RTKN2: variants seen among roughly 807,000 people sequenced by gnomAD.
RTKN2 encodes the protein rhotekin 2, also known as rhotekin-2.
RTKN2 carries 69 observed loss-of-function variants against 71.5 expected under a neutral mutation model. That is an observed-to-expected ratio of 0.96 (90% CI 0.79 to 1.18). RTKN2 has a LOEUF of 1.18. Ranked by LOEUF, RTKN2 falls within the 50% of genes most tolerant of loss-of-function variation. The pLI is 0.00. For missense variants in RTKN2, 724 were observed against 719.7 expected (o/e 1.01, Z -0.07); for synonymous variants, 236 against 236.5 (o/e 1.00, Z 0.02).
intron 9 of RTKN2, among the ~76,000 whole-genome samples, chr10:62,206,520 G>A (rs142366558): frequency 7.2e-5 from 11 of 152,090 alleles, no homozygotes; most frequent in African/African-American, 1.2e-4. Context: ...TTCAAACACC[G>A]CAGGGGAAAA....
At chr10:62,184,480 T>A in intron 8 of RTKN2, 1 of 619,676 alleles carries the variant, frequency 1.6e-6, no homozygotes, top group Non-Finnish European at 2.7e-6. Context: ...AGGCAGTCAG[T>A]GGAAAAGATT....
At chr10:62,199,251 A>G (rs976389315) in intron 11 of RTKN2, among the ~76,000 whole-genome samples, 1 of 152,212 alleles carries the variant, frequency 6.6e-6, no homozygotes, top group Non-Finnish European at 1.5e-5. Context: ...ACACCCTTCA[A>G]GGTGTGGGAA....
intron 9 of RTKN2, among the ~76,000 whole-genome samples, chr10:62,206,173 A>C (rs1841544977): frequency 6.6e-6 from 1 of 152,170 alleles, no homozygotes; most frequent in South Asian, 2.1e-4. Context: ...TAAGTGTCTA[A>C]CAGTCACTCC....
intron 6 of RTKN2, among the ~76,000 whole-genome samples, chr10:62,235,686 G>GTGTGTGTGTGTA (rs35595937): frequency 1.2e-4 from 18 of 151,076 alleles, no homozygotes; most frequent in African/African-American, 4.1e-4. Flanking sequence ...GTGTGTGTGT[G>GTGTGTGTGTGTA]TGTATACATG....
chr10:62,200,264 G>T (rs765080187), intron 10 of RTKN2, among the ~76,000 whole-genome samples: 3 of 147,598 alleles, frequency 2.0e-5, no homozygotes, highest in Admixed American at 1.4e-4. Flanking sequence ...TTGGGAGGCT[G>T]AGGCAGGAGG....
intron 7 of RTKN2, among the ~76,000 whole-genome samples, chr10:62,222,427 A>T (rs2132916837): frequency 6.6e-6 from 1 of 152,132 alleles, no homozygotes; most frequent in African/African-American, 2.4e-5. Flanking sequence ...ATTATTTTTT[A>T]AACTACATAT....
chr10:62,262,018 T>C (rs1315082200), intron 2 of RTKN2, among the ~76,000 whole-genome samples: 5 of 152,210 alleles, frequency 3.3e-5, no homozygotes, highest in Non-Finnish European at 7.3e-5. Context: ...ATACAAATCA[T>C]AGATCTAATC....
At chr10:62,212,057 A>T in intron 9 of RTKN2, among the ~76,000 whole-genome samples, 1 of 152,140 alleles carries the variant, frequency 6.6e-6, no homozygotes, top group South Asian at 2.1e-4. Flanking sequence ...TTAAGAATAC[A>T]TTGTTCGAGA....
At chr10:62,261,779 T>C (rs566041804) in intron 2 of RTKN2, among the ~76,000 whole-genome samples, 34 of 152,328 alleles carry the variant, frequency 2.2e-4, no homozygotes, top group Admixed American at 2.1e-3. Flanking sequence ...TCTCAGACTC[T>C]GACTGGTGTT....
intron 7 of RTKN2, 146 bp from the exon 8 acceptor site, chr10:62,218,447 T>A: frequency 1.8e-6 from 1 of 565,034 alleles, no homozygotes; most frequent in Non-Finnish European, 3.1e-6. Flanking sequence ...TAAAGATTCA[T>A]CCTACCCAAA....
At chr10:62,262,921 A>G (rs776739018) in intron 1 of RTKN2, 100 bp from the exon 2 acceptor site, 2 of 649,318 alleles carry the variant, frequency 3.1e-6, no homozygotes, top group Non-Finnish European at 5.1e-6. Context: ...TACCATATTG[A>G]GAAAGCAACA....
At chr10:62,241,550 T>C (rs1842374457) in intron 3 of RTKN2, among the ~76,000 whole-genome samples, 1 of 152,200 alleles carries the variant, frequency 6.6e-6, no homozygotes, top group Non-Finnish European at 1.5e-5. Context: ...TATTAATTAC[T>C]GTCTAGCTAA....
chr10:62,204,533 C>A (rs896220986), intron 10 of RTKN2, among the ~76,000 whole-genome samples: 3 of 152,280 alleles, frequency 2.0e-5, no homozygotes, highest in South Asian at 4.1e-4. Context: ...CAAATGGCTT[C>A]TTATCCCTTG....
intron 5 of RTKN2, 72 bp downstream of exon 5, chr10:62,239,573 CAAT>C (rs1208230348): frequency 1.3e-5 from 8 of 622,634 alleles, no homozygotes; most frequent in African/African-American, 3.8e-5. Flanking sequence ...TCCAAAGAAC[CAAT>C]AATAAGAACT....
chr10:62,211,723 C>A (rs1841662534), intron 9 of RTKN2, among the ~76,000 whole-genome samples: 2 of 152,238 alleles, frequency 1.3e-5, no homozygotes, highest in South Asian at 4.1e-4. Flanking sequence ...TGCAGTGGCA[C>A]AATCTCGGCT....
downstream of RTKN2, among the ~76,000 whole-genome samples, chr10:62,192,647 T>C (rs147093265): frequency 1.1e-4 from 17 of 152,270 alleles, no homozygotes; most frequent in East Asian, 3.1e-3. Context: ...ATTTGAAGCA[T>C]GAGGGAGGCT....
At chr10:62,189,654 C>T (rs183462231), downstream of RTKN2, among the ~76,000 whole-genome samples, 4 of 152,192 alleles carry the variant, frequency 2.6e-5, no homozygotes, top group African/African-American at 9.6e-5. Flanking sequence ...GGTGAAACCC[C>T]ATCTCTACTA....
At chr10:62,208,718 G>C (rs530959635) in intron 9 of RTKN2, among the ~76,000 whole-genome samples, 52 of 152,174 alleles carry the variant, frequency 3.4e-4, no homozygotes, top group African/African-American at 1.3e-3. Flanking sequence ...CACTTTTCCT[G>C]TCTTCCCTAT....
chr10:62,251,250 C>T (rs902596528), intron 2 of RTKN2, among the ~76,000 whole-genome samples: 43 of 152,298 alleles, frequency 2.8e-4, no homozygotes, highest in African/African-American at 1.0e-3. Flanking sequence ...AACACATTTG[C>T]ATAGCTTTTA....
Sources: allele counts gnomAD v4.1 joint callset (sites outside exome capture counted in the v4.1 genomes callset), GRCh38; gene constraint gnomAD v4.1.1; transcripts MANE v1.5; gene names NCBI Gene and HGNC (gene_info 2026-07-23, HGNC 2026-07-21).